YTHDC2: variants seen among roughly 807,000 people sequenced by gnomAD.
YTHDC2 encodes the protein 3'-5' RNA helicase YTHDC2.
Under a neutral mutation model 174.9 loss-of-function variants are expected in YTHDC2, and 45 were observed. That is an observed-to-expected ratio of 0.26 (90% confidence interval 0.20 to 0.33). The LOEUF (loss-of-function observed/expected upper bound fraction) is 0.33, where lower values mean the gene tolerates loss of function less well. YTHDC2 is among the 10% of genes least tolerant of loss of function. YTHDC2 has a pLI of 1.00. For missense variants in YTHDC2, 1,650 were observed against 1,723.7 expected, an observed-to-expected ratio of 0.96 and a Z score of 0.76; for synonymous variants, 657 against 574.5, an observed-to-expected ratio of 1.14 and a Z score of -2.05.
Position 113,545,357 on chromosome 5 carries a change from TTTTTGTTTTG to T in YTHDC2, c.1495+2890_1495+2899del, listed in dbSNP as rs58837820. ...TTTATTTTTTAAAGCTCATTATTCT[TTTTTGTTTTG>T]TTTTGTTTTGTTTTGTTTTGTTTTG... On this transcript the variant is annotated intron_variant, in intron 10 of 29. Transcript: ENST00000161863. Among the ~76,000 whole-genome samples, 380 of 146,014 alleles carry T rather than the reference TTTTTGTTTTG, an allele frequency of 2.6e-3. 1 individual carries two copies. The highest frequency in any genetic ancestry group is 7.8e-3 in the South Asian group (35 of 4,512).
chr5:113,528,890 TTTTGTTTG>T (rs928398081), intron 4 of YTHDC2, among the ~76,000 whole-genome samples: 2 of 152,108 alleles, frequency 1.3e-5, no homozygotes, highest in African/African-American at 2.4e-5. Context: ...GCTCGTGGGT[TTTTGTTTG>T]TTTGTTTGTT....
chr5:113,590,496 C>T (rs575275356), intron 26 of YTHDC2, among the ~76,000 whole-genome samples: 2 of 152,242 alleles, frequency 1.3e-5, no homozygotes, highest in East Asian at 3.9e-4. Context: ...TCTTTTTTCT[C>T]ACTCATGTTC....
chr5:113,587,477 T>C lies in YTHDC2; in HGVS notation c.3825+2998T>C, dbSNP rs1440212892. The stretch of plus-strand genomic sequence containing the variant: ...TATTCATATATAATATATAAATATA[T>C]ATTATGTATTCATATAATATATATA... On this transcript the variant is annotated intron_variant, in intron 26 of 29. Transcript: ENST00000161863. 2.4e-5 allele frequency among the ~76,000 whole-genome samples: 3 copies of C among 126,196 alleles called. 1 individual carries two copies. In the East Asian group the frequency reaches 6.6e-4, roughly 28 times the overall value. 82.8% of individuals were successfully genotyped at this position (126,196 alleles called of 152,430 possible). A position where few individuals can be genotyped will look rare whatever the true frequency, so the allele number is the denominator to read the frequency against.
chr5:113,561,583 C>G (rs1181001032), intron 18 of YTHDC2, among the ~76,000 whole-genome samples: 1 of 151,648 alleles, frequency 6.6e-6, no homozygotes, highest in Non-Finnish European at 1.5e-5. Flanking sequence ...ATTCTCTGGC[C>G]TCAGCCTCCC....
chr5:113,566,065 C>A (rs1777309864), intron 21 of YTHDC2, 46 bp downstream of exon 21: 1 of 1,517,808 alleles, frequency 6.6e-7, no homozygotes, highest in African/African-American at 1.4e-5. Flanking sequence ...CTGAGAGTAC[C>A]CTGCCCATAT....
At chr5:113,553,453 G>A in intron 13 of YTHDC2, 94 bp downstream of exon 13, 2 of 1,410,548 alleles carry the variant, frequency 1.4e-6, no homozygotes, top group East Asian at 2.5e-5. Context: ...TGCACTGATA[G>A]TAGTAAGTGA....
chr5:113,588,596 C>CTATT (rs1778818830), intron 26 of YTHDC2, among the ~76,000 whole-genome samples: 2 of 137,238 alleles, frequency 1.5e-5, no homozygotes, highest in Admixed American at 1.6e-4. Flanking sequence ...ACTTATGAAG[C>CTATT]CATTTATTTA....
At chr5:113,557,170 G>A (rs1388494792) in intron 17 of YTHDC2, among the ~76,000 whole-genome samples, 1 of 152,112 alleles carries the variant, frequency 6.6e-6, no homozygotes, top group Non-Finnish European at 1.5e-5. Flanking sequence ...GATTTGTGGG[G>A]TTCTTGGAGT....
intron 4 of YTHDC2, among the ~76,000 whole-genome samples, chr5:113,529,471 A>G (rs1045324279): frequency 6.6e-6 from 1 of 152,136 alleles, no homozygotes; most frequent in African/African-American, 2.4e-5. Context: ...TTGTTCCATC[A>G]CTCTAAAAAA....
At position 113,541,113 on chromosome 5, in the gene YTHDC2, G is replaced by C; in HGVS notation, c.1356G>C (p.Gln452His). 6.2e-7 allele frequency: 1 copy of C among 1,614,016 alleles called. No individual in the cohort carries two copies. Among genetic ancestry groups the C allele is most frequent in the Non-Finnish European group, 8.5e-7 (1 of 1,179,960 alleles). Reference sequence around the variant, plus strand: ...ATGGTGGTGATGCTGTCTTCAGTCAGCTGGTATGACCTCCCTGGTTTCCCA... The same window carrying C: ...ATGGTGGTGATGCTGTCTTCAGTCACCTGGTATGACCTCCCTGGTTTCCCA... Reference protein sequence around the residue: ...LDDGGDAVFSQLTEKDVNCLE... With the variant: ...LDDGGDAVFSHLTEKDVNCLE... Residue 452 changes from glutamine (Q) to histidine (H), a missense_variant, in exon 9 of 30, where the codon CAG becomes CAC. This residue lies in a region of YTHDC2 where 411 missense variants were observed against 380.6 expected (regional missense o/e 1.08). Transcript: ENST00000161863.
Position 113,553,811 on chromosome 5 carries a change from A to G in YTHDC2, c.2009A>G (p.Gln670Arg). 1 of 1,612,482 alleles carries G rather than the reference A, an allele frequency of 6.2e-7. No homozygotes were observed. The highest frequency in any genetic ancestry group is 8.5e-7 in the Non-Finnish European group (1 of 1,179,364). ...MLHSNMQTSD[Q>R]KKVLKNPPAG... Reference sequence around the variant, plus strand: ...CATTCAAATATGCAAACATCCGATCAAAAGAAAGTATTAAAAAACCCACCT... The same window carrying G: ...CATTCAAATATGCAAACATCCGATCGAAAGAAAGTATTAAAAAACCCACCT... Residue 670 changes from glutamine to arginine, a missense_variant, in exon 15 of 30, where the codon CAA (glutamine) becomes CGA (arginine). By Grantham distance (43) the Gln-to-Arg change is conservative. This residue lies in a region of YTHDC2 where 913 missense variants were observed against 940.4 expected (regional missense o/e 0.97). Coordinates refer to ENST00000161863, the MANE Select transcript of YTHDC2 (RefSeq NM_022828.5).
rs1262783698 is a variant in YTHDC2 at position 113,579,703 on chromosome 5, G to A, written c.3354+8G>A. The A allele has an allele frequency of 3.1e-6, 5 of 1,595,804 alleles. No homozygotes were observed. The South Asian group carries it at 5.7e-5, about 18-fold the overall frequency. On this transcript the variant is annotated splice_region_variant and intron_variant, in intron 24 of 29. Coordinates refer to ENST00000161863, the MANE Select transcript of YTHDC2 (RefSeq NM_022828.5). ...TTCACACTGGAGCCAGAGGTAAGTT[G>A]CTTTCAAGTAGTGTAATAAATTTCT...
At chr5:113,524,525 T>C (rs1774083793) in intron 2 of YTHDC2, among the ~76,000 whole-genome samples, 1 of 152,176 alleles carries the variant, frequency 6.6e-6, no homozygotes, top group African/African-American at 2.4e-5. Context: ...CAGGTTTTCA[T>C]GGGAGTGTCT....
intron 12 of YTHDC2, among the ~76,000 whole-genome samples, chr5:113,549,425 G>A (rs148944199): frequency 2.0e-5 from 3 of 152,216 alleles, no homozygotes; most frequent in African/African-American, 7.2e-5. Context: ...TGACTTAGCA[G>A]AACTAAGAAA....
intron 6 of YTHDC2, 103 bp downstream of exon 6, chr5:113,534,510 A>AT (rs1278457868): frequency 2.1e-6 from 2 of 948,122 alleles, no homozygotes; most frequent in Admixed American, 3.9e-5. Context: ...ACATAATTAC[A>AT]TTTTTGGAAT....
Position 113,542,374 on chromosome 5 carries a change from A to C in YTHDC2, c.1366A>C (p.Lys456Gln). ...GDAVFSQLTE[K>Q]DVNCLEPWLI... ...TTTTTACTGTTTTTTGTAGACTGAA[A>C]AAGATGTGAATTGCCTTGAACCATG... is the stretch of plus-strand genomic sequence containing the variant. Residue 456 changes from lysine to glutamine, a missense_variant, in exon 10 of 30, where the codon AAA (lysine) becomes CAA (glutamine). Around this residue, in one of 5 missense-constraint regions of YTHDC2, gnomAD observed 411 missense variants for 380.6 expected, o/e 1.08. Transcript: ENST00000161863. 6.2e-7 allele frequency: 1 copy of C among 1,605,656 alleles called. No individual in the cohort carries two copies. The highest frequency in any genetic ancestry group is 8.5e-7 in the Non-Finnish European group (1 of 1,178,006).
chr5:113,579,774 T>C, intron 24 of YTHDC2, 79 bp downstream of exon 24: 7 of 1,385,268 alleles, frequency 5.1e-6, no homozygotes, highest in Non-Finnish European at 6.6e-6. Flanking sequence ...TAAAATTTTT[T>C]TCTTTACTAT....
intron 7 of YTHDC2, among the ~76,000 whole-genome samples, chr5:113,536,871 C>T (rs1322567222): frequency 6.6e-6 from 1 of 152,126 alleles, no homozygotes; most frequent in Non-Finnish European, 1.5e-5. Flanking sequence ...TAAACATGAG[C>T]ACATGGCTAA....
At chr5:113,579,138 C>T (rs1778241464) in intron 23 of YTHDC2, among the ~76,000 whole-genome samples, 1 of 151,648 alleles carries the variant, frequency 6.6e-6, no homozygotes. Flanking sequence ...CTATTTTCTT[C>T]TACTTTTCTT....
Sources: allele counts gnomAD v4.1 joint callset (sites outside exome capture counted in the v4.1 genomes callset), GRCh38; gene constraint gnomAD v4.1.1; regional missense constraint gnomAD v4.1.1; transcripts MANE v1.5; gene names NCBI Gene and HGNC (gene_info 2026-07-23, HGNC 2026-07-21).